TCF4: variants seen among roughly 807,000 people sequenced by gnomAD.
The protein encoded by TCF4 is SL3-3 enhancer factor 2.
In TCF4, 3 loss-of-function variants were observed where a neutral mutation model predicts 82.1. The observed-to-expected ratio is 0.04, with a 90% CI of 0.02 to 0.09. The LOEUF (loss-of-function observed/expected upper bound fraction) is 0.09. TCF4 is among the 10% of genes least tolerant of loss of function. TCF4 has a pLI of 1.00. For missense variants in TCF4, 518 were observed against 852.7 expected, an observed-to-expected ratio of 0.61 and a Z score of 4.89; for synonymous variants, 276 against 309.6, an observed-to-expected ratio of 0.89 and a Z score of 1.14.
At chr18:55,509,254 C>T (rs1330931363) in intron 3 of TCF4, among the ~76,000 whole-genome samples, 5 of 152,008 alleles carry the variant, frequency 3.3e-5, no homozygotes, top group Non-Finnish European at 7.4e-5. Context: ...TTGATATAAT[C>T]TAAGTTATTC....
At position 55,222,961 on chromosome 18, in the gene TCF4, A is replaced by T. The variant is rs1394098766; in HGVS notation, c.*5074T>A. On this transcript the variant is annotated 3_prime_UTR_variant, in exon 20 of 20. Transcript: ENST00000354452. ...TTGAGAAAGTATAAATACAGTGTTA[A>T]TATTAACTGTAGTTAACAATATTCA... is the stretch of plus-strand genomic sequence containing the variant. 1.3e-5 allele frequency: 2 copies of T among 152,628 alleles called. No individual in the cohort carries two copies. The highest frequency in any genetic ancestry group is 2.9e-5 in the Non-Finnish European group (2 of 68,040). The allele number at this position is 152,628 out of a possible 1,614,324, so 9.5% of individuals were successfully genotyped here.
intron 6 of TCF4, among the ~76,000 whole-genome samples, chr18:55,388,508 A>T (rs1337759136): frequency 6.6e-6 from 1 of 152,248 alleles, no homozygotes; most frequent in Non-Finnish European, 1.5e-5. Flanking sequence ...ACAGATTGCT[A>T]GGTTCTTCAT....
chr18:55,332,069 T>C (rs2077673535), intron 8 of TCF4: 1 of 152,232 alleles, frequency 6.6e-6, no homozygotes, highest in Non-Finnish European at 1.5e-5. Context: ...GACTTCTGTT[T>C]GTTTCAAATG....
At chr18:55,356,093 T>G (rs2083447237) in intron 6 of TCF4, among the ~76,000 whole-genome samples, 2 of 152,104 alleles carry the variant, frequency 1.3e-5, no homozygotes, top group Admixed American at 6.6e-5. Context: ...TGAAACAACA[T>G]ATGTAAAATG....
At chr18:55,492,684 A>G (rs72930774) in intron 3 of TCF4, among the ~76,000 whole-genome samples, 6,650 of 152,262 alleles carry the variant, frequency 0.044, 154 homozygotes, top group Non-Finnish European at 0.052. Context: ...CATACCAAGG[A>G]TGAGATATTG....
chr18:55,375,391 A>C (rs994957712), intron 6 of TCF4, among the ~76,000 whole-genome samples: 1 of 152,096 alleles, frequency 6.6e-6, no homozygotes, highest in Non-Finnish European at 1.5e-5. Flanking sequence ...GAAGTGGTGG[A>C]TCATAAGAAA....
chr18:55,372,110 C>T (rs2089400817), intron 6 of TCF4, among the ~76,000 whole-genome samples: 1 of 152,064 alleles, frequency 6.6e-6, no homozygotes, highest in Non-Finnish European at 1.5e-5. Flanking sequence ...TAAGCTTCTA[C>T]TTTTCCTCTA....
At chr18:55,573,653 C>T (rs1418330305) in intron 3 of TCF4, among the ~76,000 whole-genome samples, 4 of 152,234 alleles carry the variant, frequency 2.6e-5, no homozygotes, top group African/African-American at 4.8e-5. Flanking sequence ...AACTCCTCCT[C>T]ATCTGTAAGA....
At chr18:55,493,153 G>C (rs1027016319) in intron 3 of TCF4, among the ~76,000 whole-genome samples, 1 of 152,122 alleles carries the variant, frequency 6.6e-6, no homozygotes, top group Admixed American at 6.5e-5. Context: ...AGCATGAGTG[G>C]CACAGTGACC....
chr18:55,308,315 G>C (rs1458112731), intron 8 of TCF4, among the ~76,000 whole-genome samples: 1 of 152,138 alleles, frequency 6.6e-6, no homozygotes, highest in African/African-American at 2.4e-5. Context: ...TTGTTACATG[G>C]AATATTGCAT....
intron 3 of TCF4, among the ~76,000 whole-genome samples, chr18:55,540,601 T>C (rs1243719290): frequency 6.6e-6 from 1 of 152,004 alleles, no homozygotes; most frequent in African/African-American, 2.4e-5. Flanking sequence ...TTGCAAAAAA[T>C]AAGAGAAATT....
rs75854771 is a variant in TCF4 at position 55,412,989 on chromosome 18, A to G, written c.305-9471T>C. On this transcript the variant is annotated intron_variant, in intron 5 of 19. Coordinates refer to ENST00000354452, the MANE Select transcript of TCF4 (RefSeq NM_001083962.2). The stretch of plus-strand genomic sequence containing the variant: ...GGCACTTAGTTGTCTATATAGAAAA[A>G]TTATGTATTTTAGCACCATGGTACA... 9.5e-3 allele frequency among the ~76,000 whole-genome samples: 1,453 copies of G among 152,288 alleles called. 29 individuals carry two copies. The highest frequency in any genetic ancestry group is 0.034 in the African/African-American group (1,397 of 41,568).
chr18:55,619,778 T>C (rs2097715833), intron 2 of TCF4, among the ~76,000 whole-genome samples: 1 of 152,232 alleles, frequency 6.6e-6, no homozygotes, highest in Non-Finnish European at 1.5e-5. Context: ...ATTTCAGGCA[T>C]CTTGAATTTT....
intron 6 of TCF4, among the ~76,000 whole-genome samples, chr18:55,358,949 T>C (rs2084331108): frequency 6.6e-6 from 1 of 152,222 alleles, no homozygotes; most frequent in Admixed American, 6.5e-5. Context: ...TTACTGAGGC[T>C]TAATTGTAAG....
chr18:55,229,304 G>A, intron 17 of TCF4: 1 of 567,608 alleles, frequency 1.8e-6, no homozygotes, highest in Admixed American at 2.7e-5. Flanking sequence ...AACCAAACAG[G>A]TGAGGGTGAC....
intron 8 of TCF4, among the ~76,000 whole-genome samples, chr18:55,340,333 G>A (rs2147944817): frequency 6.6e-6 from 1 of 152,130 alleles, no homozygotes; most frequent in East Asian, 1.9e-4. Context: ...TAGGTCTAAT[G>A]ATTAAAAGGG....
At chr18:55,422,162 G>C (rs2094794085) in intron 5 of TCF4, 17 of 552,888 alleles carry the variant, frequency 3.1e-5, no homozygotes, top group Non-Finnish European at 3.8e-5. Flanking sequence ...ACCCTGAATA[G>C]AGAAATCGAA....
At chr18:55,515,159 G>C (rs2096869060) in intron 3 of TCF4, among the ~76,000 whole-genome samples, 1 of 152,110 alleles carries the variant, frequency 6.6e-6, no homozygotes, top group Non-Finnish European at 1.5e-5. Context: ...TGTAAAGATG[G>C]AGAAACAAAG....
chr18:55,545,484 T>C (rs1252396498), intron 3 of TCF4, among the ~76,000 whole-genome samples: 2 of 152,154 alleles, frequency 1.3e-5, no homozygotes, highest in Non-Finnish European at 2.9e-5. Flanking sequence ...TGTCTCACCA[T>C]GTTACTCAGG....
Sources: gnomAD v4.1 joint callset for allele counts (sites outside exome capture counted in the v4.1 genomes callset) on GRCh38, gnomAD v4.1.1 for gene constraint, MANE v1.5 for transcripts, NCBI Gene and HGNC (gene_info 2026-07-23, HGNC 2026-07-21) for gene names.